GPC5: variants seen among roughly 807,000 people sequenced by gnomAD.
GPC5 encodes glypican-5.
In GPC5, 47 loss-of-function variants were observed where a neutral mutation model predicts 53.9. The observed-to-expected ratio is 0.87, with a 90% CI of 0.69 to 1.11. The LOEUF (loss-of-function observed/expected upper bound fraction) is 1.11, where lower values mean the gene tolerates loss of function less well. GPC5 is among the 50% of genes most tolerant of loss of function. The probability of loss-of-function intolerance (pLI) is 0.00; values close to 1 mark genes in which losing one functional copy is unlikely to be tolerated. For synonymous variants in GPC5, 286 were observed against 263.3 expected (o/e 1.09, Z -0.84); for missense variants, 748 against 713.1 (o/e 1.05, Z -0.56).
intron 4 of GPC5, among the ~76,000 whole-genome samples, chr13:91,748,683 A>G (rs1406815193): frequency 6.6e-6 from 1 of 152,222 alleles, no homozygotes. Flanking sequence ...AGCAAGGGCT[A>G]TAATACAACC....
intron 5 of GPC5, among the ~76,000 whole-genome samples, chr13:91,882,670 G>GTTTTTTTTTTTTTTTTTTTTTTGTTTTTT: frequency 3.4e-5 from 2 of 59,318 alleles, no homozygotes; most frequent in Non-Finnish European, 6.1e-5. Flanking sequence ...TGTTTTTTGG[G>GTTTTTTTTTTTTTTTTTTTTTTGTTTTTT]TTTTTTTTTT....
chr13:91,673,789 A>C (rs1442493071), intron 2 of GPC5, among the ~76,000 whole-genome samples: 1 of 152,214 alleles, frequency 6.6e-6, no homozygotes, highest in Non-Finnish European at 1.5e-5. Flanking sequence ...AAATTATAGA[A>C]ACATAATTTA....
intron 2 of GPC5, among the ~76,000 whole-genome samples, chr13:91,641,305 G>T (rs2034423589): frequency 6.6e-6 from 1 of 152,180 alleles, no homozygotes. Flanking sequence ...TCCAGCCTGG[G>T]CAAAAGAACG....
chr13:92,079,051 T>A (rs938323679), intron 6 of GPC5, among the ~76,000 whole-genome samples: 3 of 152,180 alleles, frequency 2.0e-5, no homozygotes, highest in African/African-American at 7.2e-5. Flanking sequence ...TTCTTTTTTT[T>A]AATTTTTCTT....
intron 7 of GPC5, among the ~76,000 whole-genome samples, chr13:92,659,892 T>C (rs1376127736): frequency 1.3e-5 from 2 of 152,008 alleles, no homozygotes; most frequent in Non-Finnish European, 1.5e-5. Context: ...GCAAAACCCC[T>C]GTGGCAAGGC....
intron 7 of GPC5, among the ~76,000 whole-genome samples, chr13:92,264,872 CTCTCTCTGTGTGTGTGTG>C (rs1376984586): frequency 1.0e-4 from 12 of 117,486 alleles, no homozygotes; most frequent in Non-Finnish European, 1.4e-4. Context: ...CTCTCTCTCT[CTCTCTCTGTGTGTGTGTG>C]TGTGTGTGTG....
chr13:91,964,832 C>T (rs773769149), intron 6 of GPC5, among the ~76,000 whole-genome samples: 29 of 151,966 alleles, frequency 1.9e-4, no homozygotes, highest in African/African-American at 4.1e-4. Context: ...TGGAACCAAC[C>T]GAAATGTCCA....
At chr13:92,664,645 A>G (rs1000188540) in intron 7 of GPC5, among the ~76,000 whole-genome samples, 3 of 152,196 alleles carry the variant, frequency 2.0e-5, no homozygotes, top group African/African-American at 7.2e-5. Context: ...AAACAGTAAG[A>G]ATATCAGATT....
intron 2 of GPC5, among the ~76,000 whole-genome samples, chr13:91,636,989 G>C (rs1334442121): frequency 6.6e-6 from 1 of 151,994 alleles, no homozygotes; most frequent in Non-Finnish European, 1.5e-5. Context: ...AAACAATCAA[G>C]ATTTCTTCTT....
chr13:91,584,559 T>C lies in GPC5; in HGVS notation c.326-108628T>C, dbSNP rs1304664824. ...AATTCATTGATAATATAAGAGAAAA[T>C]TTGGACTATATTAAAACCAAGAACT... On this transcript the variant is annotated intron_variant, in intron 2 of 7. Transcript: ENST00000377067. Among the ~76,000 whole-genome samples the C allele has an allele frequency of 3.9e-5, 6 of 152,058 alleles. No homozygotes were observed. The East Asian group carries it at 9.6e-4, about 24-fold the overall frequency.
At chr13:92,754,425 T>C (rs9561138) in intron 7 of GPC5, among the ~76,000 whole-genome samples, 54,994 of 151,618 alleles carry the variant, frequency 0.36, 11,286 homozygotes, top group East Asian at 0.75. Context: ...CATCAACTAA[T>C]GAGCGAAATC....
chr13:92,724,746 A>ATG (rs1487646192), intron 7 of GPC5, among the ~76,000 whole-genome samples: 2 of 151,540 alleles, frequency 1.3e-5, no homozygotes, highest in Non-Finnish European at 3.0e-5. Flanking sequence ...CAATGAGCAT[A>ATG]AAGTTTCAGA....
chr13:91,556,545 G>T (rs2030962190), intron 2 of GPC5, among the ~76,000 whole-genome samples: 1 of 148,368 alleles, frequency 6.7e-6, no homozygotes, highest in Non-Finnish European at 1.5e-5. Context: ...TATAAAATGT[G>T]TGTGTGTGTG....
chr13:92,855,211 T>C (rs71427601), intron 7 of GPC5, among the ~76,000 whole-genome samples: 1 of 152,050 alleles, frequency 6.6e-6, no homozygotes, highest in Non-Finnish European at 1.5e-5. Context: ...GGCTTCTTTG[T>C]TTGTTCATTT....
chr13:92,724,355 CTTCT>C (rs943892808), intron 7 of GPC5, among the ~76,000 whole-genome samples: 2 of 151,534 alleles, frequency 1.3e-5, no homozygotes, highest in African/African-American at 4.8e-5. Context: ...AAACACTTAC[CTTCT>C]TTATCATGTT....
At chr13:92,430,357 A>G (rs899633338) in intron 7 of GPC5, among the ~76,000 whole-genome samples, 1 of 152,200 alleles carries the variant, frequency 6.6e-6, no homozygotes, top group Non-Finnish European at 1.5e-5. Flanking sequence ...TCAAATTTTC[A>G]AAACAAAATA....
intron 7 of GPC5, among the ~76,000 whole-genome samples, chr13:92,206,398 C>T (rs1187060504): frequency 6.6e-6 from 1 of 151,204 alleles, no homozygotes; most frequent in African/African-American, 2.4e-5. Context: ...ATCTCCTGAC[C>T]TCGTGATCCA....
intron 2 of GPC5, among the ~76,000 whole-genome samples, chr13:91,685,233 C>A (rs1259250396): frequency 6.6e-6 from 1 of 152,086 alleles, no homozygotes; most frequent in Non-Finnish European, 1.5e-5. Flanking sequence ...GGAGCCCAGG[C>A]AGTTGAGGCT....
intron 7 of GPC5, among the ~76,000 whole-genome samples, chr13:92,395,091 G>A (rs1343886227): frequency 2.0e-5 from 3 of 152,028 alleles, no homozygotes; most frequent in Non-Finnish European, 2.9e-5. Context: ...TTTAATTGGT[G>A]TATTAAACCA....
Sources: allele counts gnomAD v4.1 joint callset (sites outside exome capture counted in the v4.1 genomes callset), GRCh38; gene constraint gnomAD v4.1.1; transcripts MANE v1.5; gene names NCBI Gene and HGNC (gene_info 2026-07-23, HGNC 2026-07-21).